Variants in SLC9C2 observed in about 807,000 individuals in gnomAD.
SLC9C2 encodes sodium/hydrogen exchanger 11.
In SLC9C2, 75 loss-of-function variants were observed where a neutral mutation model predicts 140.2. That is an observed-to-expected ratio of 0.53 (90% CI 0.44 to 0.65). The LOEUF (loss-of-function observed/expected upper bound fraction) is 0.65, where lower values mean the gene tolerates loss of function less well. Ranked by LOEUF, SLC9C2 falls within the 30% of genes least tolerant of loss-of-function variation. The pLI, the probability that SLC9C2 is intolerant of heterozygous loss-of-function variation, is 0.00. For missense variants in SLC9C2, 1,074 were observed against 1,331.8 expected (o/e 0.81, Z 3.01); for synonymous variants, 375 against 420.9 (o/e 0.89, Z 1.34).
chr1:173,507,169 C>G, intron 24 of SLC9C2, 128 bp from the exon 25 acceptor site: 1 of 713,562 alleles, frequency 1.4e-6, no homozygotes, highest in Non-Finnish European at 2.3e-6. Context: ...CTGGCACCAA[C>G]AGACAGGATT....
At chr1:173,530,932 A>G in intron 17 of SLC9C2, among the ~76,000 whole-genome samples, 1 of 152,192 alleles carries the variant, frequency 6.6e-6, no homozygotes, top group Non-Finnish European at 1.5e-5. Flanking sequence ...TTGCCTTTGA[A>G]ATTTTGGACA....
chr1:173,524,840 T>C lies in SLC9C2; in HGVS notation c.2453A>G (p.Asn818Ser). The C allele has an allele frequency of 6.2e-7, 1 of 1,614,048 alleles. No homozygotes were observed. Among genetic ancestry groups the C allele is most frequent in the Non-Finnish European group, 8.5e-7 (1 of 1,179,946 alleles). The change falls in exon 20 of 28, where the codon AAT (asparagine) becomes AGT (serine). Residue 818 changes from asparagine (N) to serine (S), a missense_variant. By Grantham distance (46) the Asn-to-Ser change is conservative. Coordinates refer to ENST00000367714, the MANE Select transcript of SLC9C2 (RefSeq NM_178527.4). The part of the protein sequence containing the change: ...IRNVIAKALK[N>S]LTFLCSRGII... ...GCCTCTTGAACAAAGGAAGGTGAGA[T>C]TTTTTAGAGCTTTAGCAATCACATT...
intron 5 of SLC9C2, among the ~76,000 whole-genome samples, chr1:173,586,510 C>A (rs866285957): frequency 6.6e-6 from 1 of 152,174 alleles, no homozygotes; most frequent in South Asian, 2.1e-4. Flanking sequence ...ACCGTTTGAC[C>A]CAGCAATCCC....
At chr1:173,561,410 T>G (rs1664096499) in intron 9 of SLC9C2, among the ~76,000 whole-genome samples, 2 of 152,192 alleles carry the variant, frequency 1.3e-5, no homozygotes, top group Non-Finnish European at 2.9e-5. Flanking sequence ...ACTTATTTTT[T>G]AAGGCAAGTT....
At chr1:173,557,627 T>C in intron 9 of SLC9C2, 119 bp from the exon 10 acceptor site, 2 of 892,782 alleles carry the variant, frequency 2.2e-6, no homozygotes, top group Non-Finnish European at 3.4e-6. Context: ...AAAAAAACAA[T>C]GCAATTTACT....
At chr1:173,540,298 G>A (rs1262634066) in intron 13 of SLC9C2, among the ~76,000 whole-genome samples, 1 of 152,174 alleles carries the variant, frequency 6.6e-6, no homozygotes, top group African/African-American at 2.4e-5. Flanking sequence ...GTGATCCAAA[G>A]CGAGACCAAC....
chr1:173,599,875 A>G (rs1479099164), intron 3 of SLC9C2, among the ~76,000 whole-genome samples: 2 of 152,130 alleles, frequency 1.3e-5, no homozygotes, highest in African/African-American at 2.4e-5. Flanking sequence ...AAGTGCTGGG[A>G]TAACAACCGT....
chr1:173,563,192 A>G (rs536968813), intron 9 of SLC9C2, among the ~76,000 whole-genome samples: 1 of 151,804 alleles, frequency 6.6e-6, no homozygotes, highest in South Asian at 2.1e-4. Context: ...AGCAAGCAGA[A>G]GAGGGTCCTT....
chr1:173,595,451 C>T (rs752191553), intron 4 of SLC9C2, among the ~76,000 whole-genome samples: 3 of 152,132 alleles, frequency 2.0e-5, no homozygotes, highest in African/African-American at 7.2e-5. Context: ...CTTTTGTACA[C>T]TTTTTATTGG....
chr1:173,521,885 CAAAAAAAAA>C (rs58355008), intron 21 of SLC9C2, among the ~76,000 whole-genome samples: 3 of 76,948 alleles, frequency 3.9e-5, no homozygotes, highest in African/African-American at 1.5e-4. Flanking sequence ...GGGCGCTATG[CAAAAAAAAA>C]AAAAAAAAAA....
At chr1:173,591,051 C>T (rs1666127836) in intron 4 of SLC9C2, among the ~76,000 whole-genome samples, 1 of 151,990 alleles carries the variant, frequency 6.6e-6, no homozygotes, top group South Asian at 2.1e-4. Flanking sequence ...CTCAAGTAGG[C>T]CCCAGTGTCT....
At chr1:173,583,884 A>ACTCATTC (rs1178398299) in intron 5 of SLC9C2, among the ~76,000 whole-genome samples, 1 of 152,222 alleles carries the variant, frequency 6.6e-6, no homozygotes, top group Admixed American at 6.5e-5. Flanking sequence ...GAGTTTCAGA[A>ACTCATTC]TGAGACAAAT....
At chr1:173,506,175 T>C (rs1659624475) in intron 25 of SLC9C2, among the ~76,000 whole-genome samples, 1 of 152,246 alleles carries the variant, frequency 6.6e-6, no homozygotes, top group African/African-American at 2.4e-5. Context: ...ATTTTCATAA[T>C]GACTTTTCAC....
At chr1:173,521,817 T>G (rs1382478629) in intron 21 of SLC9C2, among the ~76,000 whole-genome samples, 1 of 147,156 alleles carries the variant, frequency 6.8e-6, no homozygotes, top group Non-Finnish European at 1.5e-5. Flanking sequence ...AAGTTTTAGT[T>G]ATGTTGGGTA....
At chr1:173,582,086 C>T (rs1665575484) in intron 6 of SLC9C2, 78 bp from the exon 7 acceptor site, 3 of 1,167,880 alleles carry the variant, frequency 2.6e-6, no homozygotes, top group Non-Finnish European at 2.3e-6. Flanking sequence ...GCATTTGGGT[C>T]TTTGCACTTT....
At chr1:173,539,753 A>T (rs301695) in intron 13 of SLC9C2, among the ~76,000 whole-genome samples, 1,827 of 152,282 alleles carry the variant, frequency 0.012, 20 homozygotes, top group Middle Eastern at 0.02. Context: ...CATAGAGGAG[A>T]CTGAAAAGGA....
intron 26 of SLC9C2, among the ~76,000 whole-genome samples, chr1:173,503,848 GA>G (rs1291069315): frequency 5.3e-5 from 8 of 152,152 alleles, no homozygotes; most frequent in African/African-American, 1.9e-4. Context: ...TACCATTTGT[GA>G]CTTTTGTCTG....
chr1:173,550,968 G>A (rs1292426807), intron 11 of SLC9C2, among the ~76,000 whole-genome samples: 2 of 151,484 alleles, frequency 1.3e-5, no homozygotes, highest in Middle Eastern at 3.2e-3. Context: ...ATAACTGGGG[G>A]AAAAGGAGAG....
chr1:173,531,722 C>T (rs761469514), intron 17 of SLC9C2, among the ~76,000 whole-genome samples: 2 of 152,166 alleles, frequency 1.3e-5, no homozygotes, highest in African/African-American at 2.4e-5. Context: ...ACTGCGGCGC[C>T]GCCAGCCCAT....
Sources: gnomAD v4.1 joint callset for allele counts (sites outside exome capture counted in the v4.1 genomes callset) on GRCh38, gnomAD v4.1.1 for gene constraint, MANE v1.5 for transcripts, NCBI Gene and HGNC (gene_info 2026-07-23, HGNC 2026-07-21) for gene names.